The following PCDHGA8 variants were observed in gnomAD, a reference collection of about 807,000 sequenced individuals.
The protein encoded by PCDHGA8 is protocadherin gamma-A8.
Under a neutral mutation model 59.2 loss-of-function variants are expected in PCDHGA8, and 45 were observed. That is an observed-to-expected ratio of 0.76 (90% CI 0.60 to 0.98). PCDHGA8 has a LOEUF of 0.98. Ranked by LOEUF, PCDHGA8 falls within the 50% of genes least tolerant of loss-of-function variation. The pLI, the probability that PCDHGA8 is intolerant of heterozygous loss-of-function variation, is 0.00. For synonymous variants in PCDHGA8, 531 were observed against 519.0 expected (o/e 1.02, Z -0.32); for missense variants, 1,257 against 1,196.2 (o/e 1.05, Z -0.75).
intron 1 of PCDHGA8, chr5:141,408,283 C>G (rs62378453): frequency 0.09 from 144,952 of 1,612,732 alleles, 7,152 homozygotes; most frequent in African/African-American, 0.18. Flanking sequence ...TGTTCTACCC[C>G]ACCCTGAGTG....
intron 1 of PCDHGA8, chr5:141,413,606 TA>T (rs778210256): frequency 6.8e-6 from 11 of 1,613,848 alleles, no homozygotes; most frequent in Admixed American, 5.0e-5. Context: ...AATCTAGACG[TA>T]AAAATTAATG....
chr5:141,426,173 G>A (rs2096919271), intron 1 of PCDHGA8: 1 of 155,348 alleles, frequency 6.4e-6, no homozygotes, highest in African/African-American at 2.4e-5. Flanking sequence ...TACGGATTGG[G>A]GTGCCCTCAA....
chr5:141,399,832 G>C (rs2093898646), intron 1 of PCDHGA8: 1 of 1,613,034 alleles, frequency 6.2e-7, no homozygotes, highest in Admixed American at 1.7e-5. Context: ...CGACGGCTCT[G>C]CGCTCTTCGA....
intron 1 of PCDHGA8, among the ~76,000 whole-genome samples, chr5:141,472,119 A>C (rs1015212535): frequency 6.6e-6 from 1 of 152,240 alleles, no homozygotes; most frequent in African/African-American, 2.4e-5. Context: ...AAAGAAAATA[A>C]AAGAGAAGTT....
intron 1 of PCDHGA8, chr5:141,414,906 A>C (rs749933537): frequency 6.2e-7 from 1 of 1,614,146 alleles, no homozygotes; most frequent in Admixed American, 1.7e-5. Context: ...ACGGTTCCAC[A>C]GGCGTGGAGC....
intron 1 of PCDHGA8, among the ~76,000 whole-genome samples, chr5:141,483,160 T>C (rs1199191595): frequency 6.6e-6 from 1 of 152,176 alleles, no homozygotes; most frequent in Non-Finnish European, 1.5e-5. Flanking sequence ...AGTTAGATCC[T>C]GAGTTACCTT....
chr5:141,474,430 C>T (rs2099349577), intron 1 of PCDHGA8, among the ~76,000 whole-genome samples: 1 of 152,212 alleles, frequency 6.6e-6, no homozygotes, highest in African/African-American at 2.4e-5. Flanking sequence ...TTGGTCCTCA[C>T]ACTTTGAGTA....
At position 141,418,260 on chromosome 5, in the gene PCDHGA8, G is replaced by C. The variant is rs144490159; in HGVS notation, c.2424+23023G>C. On this transcript the variant is annotated intron_variant, in intron 1 of 3. Transcript: ENST00000398604. Reference sequence around the variant, plus strand: ...GTTAATGACCACGCCCCTCAATTCCGGAAAGATGAAATAAACTTAGAAATC... The same window carrying C: ...GTTAATGACCACGCCCCTCAATTCCCGAAAGATGAAATAAACTTAGAAATC... 2.5e-6 allele frequency: 4 copies of C among 1,613,888 alleles called. No individual in the cohort carries two copies. Among genetic ancestry groups the C allele is most frequent in the South Asian group, 1.1e-5 (1 of 91,088 alleles).
At chr5:141,466,450 G>T (rs139024933) in intron 1 of PCDHGA8, among the ~76,000 whole-genome samples, 1 of 152,172 alleles carries the variant, frequency 6.6e-6, no homozygotes, top group Non-Finnish European at 1.5e-5. Context: ...TGTCTATGGT[G>T]TTGGCTATTG....
At chr5:141,462,996 G>A (rs2099050826) in intron 1 of PCDHGA8, among the ~76,000 whole-genome samples, 1 of 152,082 alleles carries the variant, frequency 6.6e-6, no homozygotes, top group South Asian at 2.1e-4. Flanking sequence ...GGCTAATTTA[G>A]ACCTACCACT....
Position 141,420,249 on chromosome 5 carries a change from A to C in PCDHGA8, c.2424+25012A>C. 4 of 1,580,072 alleles carry C rather than the reference A, an allele frequency of 2.5e-6. No homozygotes were observed. In the Admixed American group the frequency reaches 7.3e-5, roughly 29 times the overall value. On this transcript the variant is annotated intron_variant, in intron 1 of 3. Transcript: ENST00000398604. The stretch of plus-strand genomic sequence containing the variant: ...GCTAGCATTTTAACTCCCAGCGTTG[A>C]AGCAGATAAGAAGATTCTTAAACAG...
In PCDHGA8 at chr5:141,394,863, C is replaced by T. The variant is rs758408774; in HGVS notation, c.2050C>T (p.Pro684Ser). ...GGGCAGTCTGAAGCCTTCGGTCGAC[C>T]CGAACGATTCGAGCCTTACACTCTA... ...ELGSLKPSVDPNDSSLTLYLV... is the reference protein window; with the variant it reads ...ELGSLKPSVDSNDSSLTLYLV... Residue 684 changes from proline to serine, a missense_variant, in exon 1 of 4, where the codon CCG becomes TCG. By Grantham distance (74) the Pro-to-Ser change is moderately conservative. Transcript: ENST00000398604. 37 of 1,613,708 alleles carry T rather than the reference C, an allele frequency of 2.3e-5. No individual in the cohort carries two copies. Among genetic ancestry groups the T allele is most frequent in the Non-Finnish European group, 2.9e-5 (34 of 1,179,922 alleles).
At chr5:141,443,481 G>C (rs1025329476) in intron 1 of PCDHGA8, among the ~76,000 whole-genome samples, 3 of 152,114 alleles carry the variant, frequency 2.0e-5, no homozygotes, top group African/African-American at 7.2e-5. Context: ...ATTAGACCCT[G>C]TCCCAAAACA....
At chr5:141,478,339 C>A in intron 1 of PCDHGA8, 1 of 1,613,918 alleles carries the variant, frequency 6.2e-7, no homozygotes, top group Admixed American at 1.7e-5. Flanking sequence ...CAGGGCCCTC[C>A]TTGCACGCGG....
chr5:141,399,355 C>A (rs1437917208), intron 1 of PCDHGA8: 1 of 1,614,006 alleles, frequency 6.2e-7, no homozygotes, highest in South Asian at 1.1e-5. Flanking sequence ...AGACCGAGAG[C>A]AAACCCCGGA....
chr5:141,408,540 C>G (rs201370009), intron 1 of PCDHGA8: 4 of 1,613,928 alleles, frequency 2.5e-6, no homozygotes, highest in Non-Finnish European at 3.4e-6. Flanking sequence ...GTGGAAAATC[C>G]TTTAAATATT....
rs1053018756 is a variant in PCDHGA8, at chr5:141,497,630, G to T, written c.2483+2765G>T. ...TCTTGGCTCACTGCAACCTCTGCCT[G>T]CCAGGTTCAAGCGATTCTCCTGCCT... is the stretch of plus-strand genomic sequence containing the variant. On this transcript the variant is annotated intron_variant, in intron 2 of 3. Coordinates refer to ENST00000398604, the MANE Select transcript of PCDHGA8 (RefSeq NM_032088.2). 3.3e-5 allele frequency among the ~76,000 whole-genome samples: 5 copies of T among 150,256 alleles called. No homozygotes were observed. The Admixed American group carries it at 3.3e-4, about 10-fold the overall frequency.
rs752604165 is a variant in PCDHGA8, at chr5:141,494,771, G to A, written c.2425-36G>A. On this transcript the variant is annotated intron_variant, in intron 1 of 3. Coordinates refer to ENST00000398604, the MANE Select transcript of PCDHGA8 (RefSeq NM_032088.2). ...CTCGGGTGACATTCTAACTTCTCAC[G>A]GGTACTCAGCCCCTTTCCCTCTGTT... 74 of 1,613,730 alleles carry A rather than the reference G, an allele frequency of 4.6e-5. No homozygotes were observed. The East Asian group carries it at 1.6e-3, about 36-fold the overall frequency.
intron 1 of PCDHGA8, among the ~76,000 whole-genome samples, chr5:141,467,590 A>T (rs2099146863): frequency 6.6e-6 from 1 of 152,214 alleles, no homozygotes; most frequent in African/African-American, 2.4e-5. Context: ...AATGCCATTT[A>T]TTAAGCACTT....
Sources: allele counts gnomAD v4.1 joint callset (sites outside exome capture counted in the v4.1 genomes callset), GRCh38; gene constraint gnomAD v4.1.1; transcripts MANE v1.5; gene names NCBI Gene and HGNC (gene_info 2026-07-23, HGNC 2026-07-21).